ZNF571: variants seen among roughly 807,000 people sequenced by gnomAD.
The protein encoded by ZNF571 is zinc finger protein 571.
ZNF571 carries 4 observed loss-of-function variants against 7.7 expected under a neutral mutation model. The ratio of observed to expected loss-of-function variants is 0.52; its 90% CI spans 0.25 to 1.18. The LOEUF (loss-of-function observed/expected upper bound fraction) is 1.18. ZNF571 is among the 50% of genes most tolerant of loss of function. The probability of loss-of-function intolerance (pLI) is 0.14; values close to 1 mark genes in which losing one functional copy is unlikely to be tolerated. For missense variants in ZNF571, 704 were observed against 726.9 expected, an observed-to-expected ratio of 0.97 and a Z score of 0.36; for synonymous variants, 251 against 232.4, an observed-to-expected ratio of 1.08 and a Z score of -0.73.
At chr19:37,572,025 AT>A in intron 3 of ZNF571, among the ~76,000 whole-genome samples, 1 of 8,322 alleles carries the variant, frequency 1.2e-4, no homozygotes, top group African/African-American at 6.2e-4. Flanking sequence ...TAATTAGTAC[AT>A]TAGTCCTATC....
At chr19:37,580,471 T>A (rs1281831560) in intron 3 of ZNF571, among the ~76,000 whole-genome samples, 1 of 152,250 alleles carries the variant, frequency 6.6e-6, no homozygotes, top group East Asian at 1.9e-4. Context: ...GCCATGACAA[T>A]AACTACACTG....
rs2042986142 is a variant in ZNF571 at position 37,569,575 on chromosome 19, C to CTGTT, written c.137-3288_137-3285dup. Among the ~76,000 whole-genome samples the CTGTT allele has an allele frequency of 6.6e-6, 1 of 152,098 alleles. No individual in the cohort carries two copies. The highest frequency in any genetic ancestry group is 6.5e-5 in the Admixed American group (1 of 15,272). ...TATTCATATTTTGTTATTTTATCTC[C>CTGTT]TGTTTTATTAAAAACAACAAGTGCT... On this transcript the variant is annotated intron_variant, in intron 3 of 3. Coordinates refer to ENST00000451802, the MANE Select transcript of ZNF571 (RefSeq NM_016536.5). The surrounding 1 kb of genome is among the most constrained non-coding windows in gnomAD (Gnocchi z 4.4).
Position 37,566,200 on chromosome 19 carries a change from A to G in ZNF571, c.228T>C (p.Arg76=). The G allele has an allele frequency of 6.2e-7, 1 of 1,613,970 alleles. No homozygotes were observed. The highest frequency in any genetic ancestry group is 1.1e-5 in the South Asian group (1 of 91,066). ...CATTGTATTGAAGGTGATGGTTGATACGTTTCCCCATATTCTCCCACTGGA... is the reference window on the plus strand; with the variant it reads ...CATTGTATTGAAGGTGATGGTTGATGCGTTTCCCCATATTCTCCCACTGGA... ...ESLQWENMGK[R]INHHLQYNGL... The change falls in exon 4 of 4, where the codon CGT becomes CGC. Residue 76 remains arginine (R), a synonymous_variant. Transcript: ENST00000451802.
At chr19:37,582,191 C>G (rs1428519244) in intron 3 of ZNF571, among the ~76,000 whole-genome samples, 1 of 152,120 alleles carries the variant, frequency 6.6e-6, no homozygotes, top group Non-Finnish European at 1.5e-5. Flanking sequence ...ACTTCTTTCT[C>G]ACTCTCTTTT....
chr19:37,588,789 G>C (rs2147209305), intron 1 of ZNF571, among the ~76,000 whole-genome samples: 1 of 152,316 alleles, frequency 6.6e-6, no homozygotes, highest in Non-Finnish European at 1.5e-5. Flanking sequence ...TAGAATCTCT[G>C]ATCTCTGGGG....
At chr19:37,589,955 C>T (rs1294938408) in intron 1 of ZNF571, among the ~76,000 whole-genome samples, 2 of 141,570 alleles carry the variant, frequency 1.4e-5, no homozygotes, top group African/African-American at 5.3e-5. Flanking sequence ...TACAAAATAA[C>T]AGGCCTGTAG....
intron 2 of ZNF571, among the ~76,000 whole-genome samples, chr19:37,584,663 T>C (rs2043597585): frequency 6.6e-6 from 1 of 152,198 alleles, no homozygotes; most frequent in Non-Finnish European, 1.5e-5. Flanking sequence ...TGGGAGTATC[T>C]GAATTAGACA....
chr19:37,571,501 A>C (rs1313590004), intron 3 of ZNF571, among the ~76,000 whole-genome samples: 2 of 152,168 alleles, frequency 1.3e-5, no homozygotes, highest in East Asian at 3.8e-4. Flanking sequence ...ATCTCAAAAA[A>C]ACAAAAACAA....
intron 3 of ZNF571, among the ~76,000 whole-genome samples, chr19:37,568,324 C>CG (rs370359668): frequency 2.2e-4 from 33 of 150,848 alleles, no homozygotes; most frequent in African/African-American, 6.3e-4. Context: ...ACTACCCCCC[C>CG]CCACTTGCCA....
intron 1 of ZNF571, among the ~76,000 whole-genome samples, chr19:37,590,152 A>G (rs2043824376): frequency 6.6e-6 from 1 of 152,036 alleles, no homozygotes; most frequent in African/African-American, 2.4e-5. Context: ...CATGCCTGTA[A>G]TCCCAGCACT....
chr19:37,593,242 C>T (rs997956352), intron 1 of ZNF571, among the ~76,000 whole-genome samples: 13 of 151,514 alleles, frequency 8.6e-5, no homozygotes, highest in African/African-American at 3.2e-4. Flanking sequence ...TAGGAAAAAA[C>T]GGGGAAGGAT....
chr19:37,576,650 A>G (rs1448789283), intron 3 of ZNF571, among the ~76,000 whole-genome samples: 2 of 152,196 alleles, frequency 1.3e-5, no homozygotes, highest in Non-Finnish European at 2.9e-5. Context: ...GTTTAAGATT[A>G]TAAACAAAGT....
intron 3 of ZNF571, among the ~76,000 whole-genome samples, chr19:37,573,810 G>T (rs373616884): frequency 6.7e-6 from 1 of 149,474 alleles, no homozygotes; most frequent in African/African-American, 2.5e-5. Flanking sequence ...TCCAGTCTGC[G>T]CAACAGAACG....
At chr19:37,580,263 C>T (rs2043405871) in intron 3 of ZNF571, among the ~76,000 whole-genome samples, 1 of 152,228 alleles carries the variant, frequency 6.6e-6, no homozygotes, top group African/African-American at 2.4e-5. Flanking sequence ...CAGCAGACAT[C>T]AATCCTCATG....
intron 1 of ZNF571, among the ~76,000 whole-genome samples, chr19:37,590,746 ATAT>A (rs2043845921): frequency 6.6e-6 from 1 of 152,174 alleles, no homozygotes. Context: ...TGTAAGTGTA[ATAT>A]TATATCAAAA....
In ZNF571 at chr19:37,565,152, T is replaced by C; in HGVS notation, c.1276A>G (p.Lys426Glu). ...EKPYKCKECG[K>E]AFICGKQLSE... is the part of the protein sequence containing the mutation. ...AGTTGTTTGCCACAAATAAAGGCCTTTCCACATTCCTTACATTTGTAGGGC... is the reference window on the plus strand; with the variant it reads ...AGTTGTTTGCCACAAATAAAGGCCTCTCCACATTCCTTACATTTGTAGGGC... The change falls in exon 4 of 4, where the codon AAG (lysine) becomes GAG (glutamate). Residue 426 changes from lysine to glutamate, a missense_variant. Coordinates refer to ENST00000451802, the MANE Select transcript of ZNF571 (RefSeq NM_016536.5). 1 of 1,613,594 alleles carries C rather than the reference T, an allele frequency of 6.2e-7. No individual in the cohort carries two copies. The highest frequency in any genetic ancestry group is 1.3e-5 in the African/African-American group (1 of 74,994).
intron 3 of ZNF571, chr19:37,575,760 G>A (rs369793416): frequency 6.6e-6 from 1 of 152,188 alleles, no homozygotes; most frequent in Admixed American, 6.5e-5. Context: ...TTTAGGGAAT[G>A]TTGTGATCCA....
At chr19:37,566,332 A>C (rs1362905720) in intron 3 of ZNF571, 41 bp from the exon 4 acceptor site, 3 of 1,548,192 alleles carry the variant, frequency 1.9e-6, no homozygotes, top group Non-Finnish European at 1.7e-6. Flanking sequence ...TTTTGTTTAC[A>C]AGGAGAAATA....
At chr19:37,576,079 C>A (rs2147177943) in intron 3 of ZNF571, among the ~76,000 whole-genome samples, 1 of 151,782 alleles carries the variant, frequency 6.6e-6, no homozygotes, top group South Asian at 2.1e-4. Flanking sequence ...TCATCTAGAA[C>A]TAAGTTTTAG....
Sources: allele counts gnomAD v4.1 joint callset (sites outside exome capture counted in the v4.1 genomes callset), GRCh38; gene constraint gnomAD v4.1.1; non-coding constraint Gnocchi (gnomAD v3.1); transcripts MANE v1.5; gene names NCBI Gene and HGNC (gene_info 2026-07-23, HGNC 2026-07-21).